The following PCDH15 variants were observed in gnomAD, a reference collection of about 807,000 sequenced individuals.
The protein encoded by PCDH15 is protocadherin-15.
Under a neutral mutation model 178.5 loss-of-function variants are expected in PCDH15, and 129 were observed. The observed-to-expected ratio is 0.72, with a 90% CI of 0.63 to 0.84. The LOEUF is 0.84. PCDH15 is among the 40% of genes least tolerant of loss of function. The pLI is 0.00. For synonymous variants in PCDH15, 800 were observed against 732.0 expected (o/e 1.09, Z -1.50); for missense variants, 2,230 against 2,099.9 (o/e 1.06, Z -1.21).
At chr10:54,125,046 C>G (rs1249610102) in intron 15 of PCDH15, among the ~76,000 whole-genome samples, 1 of 151,886 alleles carries the variant, frequency 6.6e-6, no homozygotes, top group African/African-American at 2.4e-5. Flanking sequence ...TGAAACTATT[C>G]AAAAATGAGA....
intron 2 of PCDH15, among the ~76,000 whole-genome samples, chr10:55,126,347 T>A (rs193085950): frequency 6.6e-6 from 1 of 152,274 alleles, no homozygotes; most frequent in East Asian, 1.9e-4. Context: ...AATCTGATTC[T>A]TCATAACTAT....
intron 18 of PCDH15, among the ~76,000 whole-genome samples, chr10:54,062,246 A>AAAAAC (rs2094038347): frequency 7.4e-6 from 1 of 135,054 alleles, no homozygotes; most frequent in African/African-American, 3.0e-5. Flanking sequence ...AAAAAAAAAA[A>AAAAAC]AAAAAACAAA....
intron 37 of PCDH15, among the ~76,000 whole-genome samples, chr10:53,810,155 TTTCTC>T (rs2075813632): frequency 6.6e-6 from 1 of 152,202 alleles, no homozygotes; most frequent in African/African-American, 2.4e-5. Flanking sequence ...ATAATTTACT[TTTCTC>T]TGATAATTGA....
intron 1 of PCDH15, among the ~76,000 whole-genome samples, chr10:54,740,408 C>T (rs1365385078): frequency 6.6e-6 from 1 of 151,470 alleles, no homozygotes; most frequent in Non-Finnish European, 1.5e-5. Context: ...AAAATGTGAC[C>T]CTCCTACATT....
chr10:54,110,996 T>C lies in PCDH15; in HGVS notation c.1918-20933A>G, dbSNP rs181189837. Among the ~76,000 whole-genome samples the C allele has an allele frequency of 3.6e-3, 550 of 152,278 alleles. 3 individuals carry two copies. The highest frequency in any genetic ancestry group is 0.013 in the African/African-American group (526 of 41,550). ...TTGGTAGTTAAGTATAGAAACACCA[T>C]AGGGACTTTGCAGGATCAGTTGAGT... On this transcript the variant is annotated intron_variant, in intron 15 of 37. Coordinates refer to ENST00000644397, the MANE Select transcript of PCDH15 (RefSeq NM_001384140.1).
intron 20 of PCDH15, 30 bp from the exon 21 acceptor site, chr10:53,995,795 T>A: frequency 1.9e-6 from 3 of 1,601,300 alleles, no homozygotes; most frequent in Non-Finnish European, 1.7e-6. Flanking sequence ...GTTTAGTACT[T>A]CAGTTGAAAC....
At chr10:53,908,914 A>G (rs964486124) in intron 25 of PCDH15, among the ~76,000 whole-genome samples, 2 of 152,206 alleles carry the variant, frequency 1.3e-5, no homozygotes, top group Non-Finnish European at 2.9e-5. Flanking sequence ...TCCTCACTTT[A>G]AAAACACACA....
At chr10:53,892,481 T>C (rs1392685929) in intron 26 of PCDH15, among the ~76,000 whole-genome samples, 1 of 152,166 alleles carries the variant, frequency 6.6e-6, no homozygotes, top group Non-Finnish European at 1.5e-5. Context: ...AGGAGAATGA[T>C]ATTTTTTGGT....
Position 54,966,085 on chromosome 10 carries a change from ATATTC to A in PCDH15, c.-79-68590_-79-68586del, listed in dbSNP as rs576769996. ...AAATATAAATCACTAATCATACAGA[ATATTC>A]TATAGGAACATGGTCAACAGCATTC... On this transcript the variant is annotated intron_variant, in intron 2 of 5. Coordinates refer to the PCDH15 transcript ENST00000458638. 1.3e-3 allele frequency among the ~76,000 whole-genome samples: 199 copies of A among 152,100 alleles called. 1 individual carries two copies. Among genetic ancestry groups the A allele is most frequent in the African/African-American group, 4.4e-3 (182 of 41,528 alleles).
chr10:55,453,902 C>G (rs1391943516), intron 2 of PCDH15, among the ~76,000 whole-genome samples: 1 of 152,012 alleles, frequency 6.6e-6, no homozygotes, highest in East Asian at 1.9e-4. Context: ...TCTAAGAGTA[C>G]CAAATTATGA....
At chr10:54,642,984 A>C (rs965679555) in intron 2 of PCDH15, among the ~76,000 whole-genome samples, 13 of 152,140 alleles carry the variant, frequency 8.5e-5, no homozygotes, top group African/African-American at 3.1e-4. Context: ...GTGCAATGGC[A>C]CAGTCTTGGC....
At chr10:54,988,021 T>C (rs1839413931) in intron 2 of PCDH15, among the ~76,000 whole-genome samples, 1 of 152,172 alleles carries the variant, frequency 6.6e-6, no homozygotes, top group Admixed American at 6.5e-5. Context: ...TTTTAATTCA[T>C]CTCGAGTTAA....
At chr10:54,651,866 T>G (rs1388467660) in intron 2 of PCDH15, among the ~76,000 whole-genome samples, 1 of 152,158 alleles carries the variant, frequency 6.6e-6, no homozygotes, top group Non-Finnish European at 1.5e-5. Flanking sequence ...ACTGAATATT[T>G]GCAAAATATA....
chr10:54,069,517 A>C (rs973610136), intron 17 of PCDH15, among the ~76,000 whole-genome samples: 1 of 152,228 alleles, frequency 6.6e-6, no homozygotes, highest in Non-Finnish European at 1.5e-5. Flanking sequence ...CATGTCTTAC[A>C]GAAATGTACA....
At chr10:54,730,228 A>G (rs1015589945) in intron 1 of PCDH15, among the ~76,000 whole-genome samples, 1 of 151,684 alleles carries the variant, frequency 6.6e-6, no homozygotes, top group Non-Finnish European at 1.5e-5. Flanking sequence ...TTAAATAAGA[A>G]TGAAATCATG....
chr10:54,247,529 A>C (rs2056070572), intron 8 of PCDH15, among the ~76,000 whole-genome samples: 1 of 151,988 alleles, frequency 6.6e-6, no homozygotes, highest in African/African-American at 2.4e-5. Flanking sequence ...TTATAATTTC[A>C]ATATCTTTGA....
chr10:53,873,622 A>G (rs1356459582), intron 26 of PCDH15, among the ~76,000 whole-genome samples: 1 of 152,234 alleles, frequency 6.6e-6, no homozygotes. Flanking sequence ...GCAGTTTAAA[A>G]ATAAAACAAC....
At chr10:55,560,748 A>G (rs1842181075) in intron 2 of PCDH15, among the ~76,000 whole-genome samples, 1 of 151,882 alleles carries the variant, frequency 6.6e-6, no homozygotes, top group East Asian at 1.9e-4. Context: ...AAGTCCTGTG[A>G]CATATCTGCA....
chr10:55,153,423 G>A (rs944427833), intron 2 of PCDH15, among the ~76,000 whole-genome samples: 1 of 152,142 alleles, frequency 6.6e-6, no homozygotes, highest in Non-Finnish European at 1.5e-5. Flanking sequence ...CTGAAATTTT[G>A]TAATCATTAC....
Sources: allele counts gnomAD v4.1 joint callset (sites outside exome capture counted in the v4.1 genomes callset), GRCh38; gene constraint gnomAD v4.1.1; transcripts MANE v1.5; gene names NCBI Gene and HGNC (gene_info 2026-07-23, HGNC 2026-07-21).